The following TSPAN8 variants were observed in gnomAD, a reference collection of about 807,000 sequenced individuals.
TSPAN8 encodes the protein tetraspanin-8.
A neutral mutation model predicts 32.8 loss-of-function variants in TSPAN8; 21 were observed. The observed-to-expected ratio is 0.64, with a 90% CI of 0.45 to 0.92. TSPAN8 has a LOEUF of 0.92. Ranked by LOEUF, TSPAN8 falls within the 40% of genes least tolerant of loss-of-function variation. TSPAN8 has a pLI of 0.00. For missense variants in TSPAN8, 269 were observed against 281.9 expected (o/e 0.95, Z 0.33); for synonymous variants, 95 against 94.6 (o/e 1.00, Z -0.03).
intron 4 of TSPAN8, chr12:71,139,187 T>C (rs1356894771): frequency 2.2e-6 from 1 of 456,676 alleles, no homozygotes; most frequent in Non-Finnish European, 4.4e-6. Flanking sequence ...TGGAAACAGT[T>C]TTGCCGGTCT....
chr12:71,148,150 A>C (rs1313708892), intron 2 of TSPAN8, among the ~76,000 whole-genome samples: 2 of 152,174 alleles, frequency 1.3e-5, no homozygotes, highest in Non-Finnish European at 2.9e-5. Flanking sequence ...TTATTTCCAG[A>C]CCTAAAATGG....
chr12:71,157,665 C>A lies in TSPAN8; in HGVS notation c.14G>T (p.Ser5Ile). Residue 5 changes from serine to isoleucine, a missense_variant, in exon 2 of 9, where the codon AGT (serine) becomes ATT (isoleucine). Ser to Ile is a moderately radical substitution (Grantham distance 142, BLOSUM62 -2). Coordinates refer to ENST00000247829, the MANE Select transcript of TSPAN8 (RefSeq NM_004616.3). MAGV[S>I]ACIKYSMFTF... ...AAACATAGAATATTTTATACAGGCA[C>A]TCACACCTGCCATTTCGGAAAAGGA... is the stretch of plus-strand genomic sequence containing the variant. 6.2e-7 allele frequency: 1 copy of A among 1,613,554 alleles called. No homozygotes were observed.
chr12:71,129,966 T>G (rs897671485), intron 7 of TSPAN8, among the ~76,000 whole-genome samples: 1 of 141,608 alleles, frequency 7.1e-6, no homozygotes, highest in Admixed American at 7.0e-5. Context: ...TTTTTTTTTT[T>G]CTTTGAGACA....
chr12:71,154,579 T>C (rs999796265), intron 2 of TSPAN8, among the ~76,000 whole-genome samples: 1 of 152,112 alleles, frequency 6.6e-6, no homozygotes, highest in South Asian at 2.1e-4. Flanking sequence ...ATTAGCACTT[T>C]CCAGGATGTT....
At chr12:71,139,598 G>A in intron 4 of TSPAN8, 113 bp downstream of exon 4, 1 of 1,371,292 alleles carries the variant, frequency 7.3e-7, no homozygotes, top group South Asian at 1.5e-5. Context: ...CTAAAGAGAA[G>A]TTGGAGTTAG....
chr12:71,147,161 G>C (rs1219530238), intron 2 of TSPAN8, among the ~76,000 whole-genome samples: 1 of 151,870 alleles, frequency 6.6e-6, no homozygotes, highest in Admixed American at 6.6e-5. Context: ...AGCCCAAGCA[G>C]ATGACTAAGA....
intron 7 of TSPAN8, among the ~76,000 whole-genome samples, chr12:71,130,182 G>A (rs968799256): frequency 3.9e-5 from 6 of 151,936 alleles, no homozygotes; most frequent in African/African-American, 1.2e-4. Flanking sequence ...TTGAACTCCC[G>A]GGCTCAAGCA....
At chr12:71,142,253 G>A (rs1023196240) in intron 3 of TSPAN8, among the ~76,000 whole-genome samples, 1 of 152,130 alleles carries the variant, frequency 6.6e-6, no homozygotes, top group African/African-American at 2.4e-5. Flanking sequence ...GAGTCAAAAC[G>A]TAACTAAAGA....
chr12:71,130,206 A>C (rs1258292271), intron 7 of TSPAN8, among the ~76,000 whole-genome samples: 1 of 152,198 alleles, frequency 6.6e-6, no homozygotes, highest in Non-Finnish European at 1.5e-5. Flanking sequence ...CACCGGCCTC[A>C]GCCTCTGAAA....
At chr12:71,130,393 T>A (rs1276537432) in intron 7 of TSPAN8, among the ~76,000 whole-genome samples, 3 of 152,232 alleles carry the variant, frequency 2.0e-5, no homozygotes, top group Non-Finnish European at 4.4e-5. Context: ...CTGCTACATT[T>A]TTGAAATGTA....
At chr12:71,130,191 C>A (rs1013501062) in intron 7 of TSPAN8, among the ~76,000 whole-genome samples, 1 of 152,122 alleles carries the variant, frequency 6.6e-6, no homozygotes, top group Non-Finnish European at 1.5e-5. Flanking sequence ...CGGGCTCAAG[C>A]AATCCACCGG....
intron 6 of TSPAN8, among the ~76,000 whole-genome samples, chr12:71,136,462 C>T (rs1211219547): frequency 6.6e-6 from 1 of 152,086 alleles, no homozygotes; most frequent in Non-Finnish European, 1.5e-5. Context: ...TCAAGCCTCT[C>T]CTAAGATTCT....
intron 2 of TSPAN8, among the ~76,000 whole-genome samples, chr12:71,151,072 T>A (rs1018085867): frequency 8.6e-5 from 13 of 151,842 alleles, no homozygotes; most frequent in African/African-American, 1.9e-4. Context: ...TCTTATTTTT[T>A]TTTTTTTTTG....
intron 6 of TSPAN8, among the ~76,000 whole-genome samples, chr12:71,137,602 C>G (rs1023331036): frequency 7.1e-5 from 5 of 70,242 alleles, no homozygotes; most frequent in African/African-American, 1.7e-4. Flanking sequence ...TCTGTCCCCC[C>G]CCAAAAAAAA....
chr12:71,155,236 C>T (rs1425756342), intron 2 of TSPAN8, among the ~76,000 whole-genome samples: 3 of 152,112 alleles, frequency 2.0e-5, no homozygotes, highest in Admixed American at 6.6e-5. Flanking sequence ...TCACTTTGAA[C>T]CACTTAATGA....
intron 6 of TSPAN8, among the ~76,000 whole-genome samples, chr12:71,133,026 G>A (rs569311894): frequency 6.6e-6 from 1 of 152,226 alleles, no homozygotes; most frequent in East Asian, 1.9e-4. Context: ...TGGAAAAATG[G>A]AGTTGCAGAC....
At chr12:71,149,989 T>C (rs1872197474) in intron 2 of TSPAN8, among the ~76,000 whole-genome samples, 1 of 152,158 alleles carries the variant, frequency 6.6e-6, no homozygotes, top group Non-Finnish European at 1.5e-5. Context: ...GAAAGGAATA[T>C]TGATATTAAT....
chr12:71,139,259 T>C (rs1323844110), intron 4 of TSPAN8: 6 of 458,346 alleles, frequency 1.3e-5, no homozygotes, highest in Non-Finnish European at 2.6e-5. Context: ...CACGTTGTCT[T>C]TCCGGAAAGC....
At chr12:71,152,236 T>C (rs946169907) in intron 2 of TSPAN8, among the ~76,000 whole-genome samples, 5 of 152,192 alleles carry the variant, frequency 3.3e-5, no homozygotes, top group Non-Finnish European at 5.9e-5. Flanking sequence ...AGATTCAGGA[T>C]TGAAATCTCA....
Sources: allele counts gnomAD v4.1 joint callset (sites outside exome capture counted in the v4.1 genomes callset), GRCh38; gene constraint gnomAD v4.1.1; transcripts MANE v1.5; gene names NCBI Gene and HGNC (gene_info 2026-07-23, HGNC 2026-07-21).